Variants in PIN4 observed in about 807,000 individuals in gnomAD.
The protein encoded by PIN4 is peptidyl-prolyl cis-trans isomerase NIMA-interacting 4.
Under a neutral mutation model 8.3 loss-of-function variants are expected in PIN4, and 3 were observed. That is an observed-to-expected ratio of 0.36 (90% CI 0.16 to 0.93). The LOEUF is 0.93. Ranked by LOEUF, PIN4 falls within the 40% of genes least tolerant of loss-of-function variation. PIN4 has a pLI of 0.44. For missense variants in PIN4, 75 were observed against 100.6 expected, an observed-to-expected ratio of 0.75 and a Z score of 1.09; for synonymous variants, 18 against 32.5, an observed-to-expected ratio of 0.55 and a Z score of 1.52.
chrX:72,253,736 AC>A (rs1291628761), intron 3 of PIN4, among the ~76,000 whole-genome samples: 4 of 109,742 alleles, frequency 3.6e-5, no homozygotes, highest in African/African-American at 1.3e-4. Flanking sequence ...GGAGTTCAAG[AC>A]CAGCCTGGGT....
At chrX:72,195,537 GA>G (rs1445583107) in intron 2 of PIN4, among the ~76,000 whole-genome samples, 2 of 110,851 alleles carry the variant, frequency 1.8e-5, no homozygotes, top group Non-Finnish European at 3.8e-5. Context: ...AGCTACTTGG[GA>G]GGCTGAGGCA....
At chrX:72,226,516 C>T (rs139385227) in intron 3 of PIN4, among the ~76,000 whole-genome samples, 2 of 112,059 alleles carry the variant, frequency 1.8e-5, no homozygotes, top group African/African-American at 3.2e-5. Context: ...AAATTTGGAG[C>T]GAGCGGGGCT....
chrX:72,185,073 G>A (rs1375372915), intron 1 of PIN4, among the ~76,000 whole-genome samples: 4 of 97,827 alleles, frequency 4.1e-5, no homozygotes, highest in Non-Finnish European at 8.1e-5. Flanking sequence ...GAACCCGGGA[G>A]GCGGAGCTTG....
chrX:72,197,300 C>G (rs2042771570), intron 3 of PIN4, 68 bp from the exon 4 acceptor site: 2 of 1,012,555 alleles, frequency 2.0e-6, no homozygotes, highest in Admixed American at 5.9e-5. Context: ...GGGAAATTCT[C>G]TCAAGCTACA....
At chrX:72,199,995 G>C (rs1199264856), downstream of PIN4, among the ~76,000 whole-genome samples, 1 of 110,897 alleles carries the variant, frequency 9.0e-6, no homozygotes, top group African/African-American at 3.3e-5. Context: ...GTAGAATCCT[G>C]TCTCTACTAA....
At chrX:72,260,370 G>T (rs1262043535) in intron 3 of PIN4, among the ~76,000 whole-genome samples, 4 of 112,589 alleles carry the variant, frequency 3.6e-5, no homozygotes, top group Non-Finnish European at 7.5e-5. Context: ...GGGCCTGCCA[G>T]CTATCTTCTC....
At chrX:72,222,850 C>T (rs2042932502) in intron 3 of PIN4, among the ~76,000 whole-genome samples, 1 of 106,212 alleles carries the variant, frequency 9.4e-6, no homozygotes, top group African/African-American at 3.4e-5. Context: ...CCCGCCTCGG[C>T]CTCCCAAAGT....
In PIN4 at chrX:72,196,890, A is replaced by G. The variant is rs761536707; in HGVS notation, c.223A>G (p.Lys75Glu). ...AGTGGCCGCACAGTATAGTGAAGAT[A>G]AAGCCAGGCAAGGGGTATGTTGCTC... ...NEVAAQYSED[K>E]ARQGGDLGWM... The change falls in exon 3 of 4, where the codon AAA becomes GAA. Residue 75 changes from lysine (K) to glutamate (E), a missense_variant. Coordinates refer to ENST00000373669, the MANE Select transcript of PIN4 (RefSeq NM_006223.4). 1 of 1,194,181 alleles carries G rather than the reference A, an allele frequency of 8.4e-7. No homozygotes were observed. Among genetic ancestry groups the G allele is most frequent in the South Asian group, 1.9e-5 (1 of 53,085 alleles).
At chrX:72,233,619 G>A (rs1218799735) in intron 3 of PIN4, among the ~76,000 whole-genome samples, 1 of 108,126 alleles carries the variant, frequency 9.2e-6, no homozygotes, top group Non-Finnish European at 1.9e-5. Flanking sequence ...CTACTCGGGA[G>A]GCTGAGGCAG....
At chrX:72,199,202 T>C (rs138833166), downstream of PIN4, among the ~76,000 whole-genome samples, 2,938 of 111,928 alleles carry the variant, frequency 0.026, 99 homozygotes, top group African/African-American at 0.088. Context: ...CAAGTGCCAC[T>C]GCACCCTGCC....
intron 3 of PIN4, chrX:72,207,433 T>G: frequency 8.3e-7 from 1 of 1,211,253 alleles, no homozygotes; most frequent in Non-Finnish European, 1.1e-6. Flanking sequence ...ATCAATATGG[T>G]CCACATCTGG....
At chrX:72,205,083 G>A (rs1275085530) in intron 3 of PIN4, 2 of 1,210,725 alleles carry the variant, frequency 1.7e-6, no homozygotes, top group South Asian at 3.5e-5. Context: ...CACTTTTTAT[G>A]TCAAGCGCTT....
At chrX:72,219,867 C>T (rs1471092079) in intron 3 of PIN4, among the ~76,000 whole-genome samples, 1 of 105,577 alleles carries the variant, frequency 9.5e-6, no homozygotes, top group African/African-American at 3.5e-5. Context: ...AAAAAAAGAA[C>T]CTCCACTATA....
intron 3 of PIN4, among the ~76,000 whole-genome samples, chrX:72,244,490 G>C (rs1323245543): frequency 9.0e-6 from 1 of 111,689 alleles, no homozygotes; most frequent in East Asian, 2.8e-4. Context: ...AAGATGGTTG[G>C]AGCAAGCCTA....
chrX:72,206,980 C>A, intron 3 of PIN4: 2 of 1,211,208 alleles, frequency 1.7e-6, no homozygotes. Context: ...AACCTGTCTT[C>A]TGTATATTTT....
chrX:72,192,087 G>C (rs1274019944), intron 2 of PIN4, among the ~76,000 whole-genome samples: 1 of 110,634 alleles, frequency 9.0e-6, no homozygotes, highest in African/African-American at 3.3e-5. Context: ...GAGTAGCTGG[G>C]ATTACAGGCA....
chrX:72,186,569 A>G (rs1430590386), intron 2 of PIN4, 35 bp downstream of exon 2: 1 of 957,163 alleles, frequency 1.0e-6, no homozygotes. Context: ...CATGTTAAAT[A>G]TAAATTCTGT....
intron 3 of PIN4, among the ~76,000 whole-genome samples, chrX:72,258,052 G>A (rs2043120292): frequency 9.0e-6 from 1 of 111,369 alleles, no homozygotes; most frequent in Admixed American, 9.6e-5. Flanking sequence ...ACAGGCAGGA[G>A]GAAATGAAGC....
chrX:72,208,968 A>T (rs1454045830), intron 3 of PIN4, among the ~76,000 whole-genome samples: 4 of 111,365 alleles, frequency 3.6e-5, no homozygotes, highest in African/African-American at 1.3e-4. Flanking sequence ...TTTTTTTTTT[A>T]ATTGGCACCC....
Sources: gnomAD v4.1 joint callset for allele counts (sites outside exome capture counted in the v4.1 genomes callset) on GRCh38, gnomAD v4.1.1 for gene constraint, MANE v1.5 for transcripts, NCBI Gene and HGNC (gene_info 2026-07-23, HGNC 2026-07-21) for gene names.